Variants in ITGA6 observed in about 807,000 individuals in gnomAD.
ITGA6 encodes the protein integrin subunit alpha 6, also known as integrin alpha-6.
A neutral mutation model predicts 133.6 loss-of-function variants in ITGA6; 63 were observed. The ratio of observed to expected loss-of-function variants is 0.47; its 90% CI spans 0.38 to 0.58. The LOEUF is 0.58. Among genes scored for constraint, ITGA6 ranks in the 20% least tolerant of loss-of-function variants. The pLI, the probability that ITGA6 is intolerant of heterozygous loss-of-function variation, is 0.00. For missense variants in ITGA6, 1,068 were observed against 1,309.4 expected (o/e 0.82, Z 2.85); for synonymous variants, 434 against 482.0 (o/e 0.90, Z 1.30).
intron 1 of ITGA6, among the ~76,000 whole-genome samples, chr2:172,454,445 G>C (rs1685135495): frequency 6.6e-6 from 1 of 152,120 alleles, no homozygotes; most frequent in African/African-American, 2.4e-5. Flanking sequence ...GGTTGGAGGG[G>C]TGTGAAAGAA....
intron 1 of ITGA6, among the ~76,000 whole-genome samples, chr2:172,453,105 C>T (rs77845041): frequency 6.6e-5 from 10 of 152,088 alleles, no homozygotes; most frequent in South Asian, 6.2e-4. Flanking sequence ...AGTGAAAGGT[C>T]GTGTTCTCAA....
At chr2:172,428,103 AC>A in intron 1 of ITGA6, 133 bp downstream of exon 1, 1 of 833,066 alleles carries the variant, frequency 1.2e-6, no homozygotes, top group African/African-American at 1.8e-5. Flanking sequence ...GCCGAGGCGC[AC>A]CCAGCGCCCA....
chr2:172,478,677 G>C (rs931922845), intron 9 of ITGA6, among the ~76,000 whole-genome samples: 4 of 152,200 alleles, frequency 2.6e-5, no homozygotes, highest in Non-Finnish European at 4.4e-5. Flanking sequence ...AAGTGTTTGC[G>C]GGGTTGCAGT....
chr2:172,471,724 A>G (rs756821609), intron 5 of ITGA6, among the ~76,000 whole-genome samples: 3 of 152,156 alleles, frequency 2.0e-5, no homozygotes, highest in Admixed American at 6.5e-5. Flanking sequence ...TTAACTCCTA[A>G]GGCTTGTTTG....
At chr2:172,447,981 C>T (rs1574332839) in intron 1 of ITGA6, among the ~76,000 whole-genome samples, 1 of 152,204 alleles carries the variant, frequency 6.6e-6, no homozygotes, top group Non-Finnish European at 1.5e-5. Context: ...TAGTAAAGTC[C>T]AGACACTCAG....
intron 23 of ITGA6, among the ~76,000 whole-genome samples, chr2:172,493,620 A>G (rs997794375): frequency 5.9e-5 from 9 of 152,216 alleles, no homozygotes; most frequent in South Asian, 2.1e-4. Flanking sequence ...GAGACCCTCA[A>G]TTGAAACCTG....
At chr2:172,437,238 C>G (rs1684357921) in intron 1 of ITGA6, among the ~76,000 whole-genome samples, 1 of 152,346 alleles carries the variant, frequency 6.6e-6, no homozygotes, top group Admixed American at 6.5e-5. Context: ...ATGGATTTCT[C>G]TGGCCTGCAG....
At chr2:172,495,887 C>T (rs1286348422) in intron 23 of ITGA6, among the ~76,000 whole-genome samples, 2 of 147,332 alleles carry the variant, frequency 1.4e-5, no homozygotes, top group Non-Finnish European at 3.0e-5. Flanking sequence ...TTTAAAGACA[C>T]TTGTGCACAG....
intron 11 of ITGA6, among the ~76,000 whole-genome samples, chr2:172,481,789 G>A (rs1012093434): frequency 6.6e-6 from 1 of 152,164 alleles, no homozygotes; most frequent in Non-Finnish European, 1.5e-5. Flanking sequence ...ATTTTGTCGA[G>A]TGTAGAAAGC....
At chr2:172,456,566 G>A (rs565599571) in intron 1 of ITGA6, among the ~76,000 whole-genome samples, 4 of 152,284 alleles carry the variant, frequency 2.6e-5, no homozygotes, top group Admixed American at 2.0e-4. Context: ...TGGACATATG[G>A]CCAGCCTAGC....
intron 1 of ITGA6, among the ~76,000 whole-genome samples, chr2:172,459,596 G>C (rs533471917): frequency 6.6e-5 from 10 of 151,956 alleles, no homozygotes; most frequent in African/African-American, 2.4e-4. Flanking sequence ...GTGCCATCAA[G>C]GTTCTGAAGA....
chr2:172,458,032 T>G (rs1685284278), intron 1 of ITGA6, among the ~76,000 whole-genome samples: 1 of 151,946 alleles, frequency 6.6e-6, no homozygotes, highest in Non-Finnish European at 1.5e-5. Flanking sequence ...GGAGTGGGTC[T>G]GGAAGTGAAG....
At chr2:172,441,488 C>G (rs1684535299) in intron 1 of ITGA6, among the ~76,000 whole-genome samples, 1 of 136,132 alleles carries the variant, frequency 7.3e-6, no homozygotes, top group East Asian at 2.3e-4. Flanking sequence ...CCTAGGAACT[C>G]AAGGTGAGAG....
chr2:172,444,703 T>C (rs1684683822), intron 1 of ITGA6, among the ~76,000 whole-genome samples: 1 of 138,118 alleles, frequency 7.2e-6, no homozygotes, highest in African/African-American at 2.7e-5. Context: ...CCTGAGTTTC[T>C]TTCTCTACTT....
At chr2:172,502,311 A>C (rs1687383167) in intron 25 of ITGA6, among the ~76,000 whole-genome samples, 1 of 152,210 alleles carries the variant, frequency 6.6e-6, no homozygotes, top group Admixed American at 6.5e-5. Flanking sequence ...GGAATTTTCC[A>C]CAGATAGAAG....
At chr2:172,489,932 C>T in intron 20 of ITGA6, 1 of 393,190 alleles carries the variant, frequency 2.5e-6, no homozygotes, top group South Asian at 2.5e-5. Context: ...CAGTATGTTA[C>T]ATAATAAGGA....
Position 172,487,067 on chromosome 2 carries a change from C to G in ITGA6, c.1899C>G (p.Asn633Lys). The change falls in exon 14 of 26, where the codon AAC becomes AAG. Residue 633 changes from asparagine to lysine, a missense_variant. Asn to Lys is a moderately conservative substitution (Grantham distance 94). Coordinates refer to ENST00000684293, the MANE Select transcript of ITGA6 (RefSeq NM_000210.4). ...GATGTGGAGACGACAATGTATGTAACAGCAACCTTAAACTAGAATATAAAT... is the reference window on the plus strand; with the variant it reads ...GATGTGGAGACGACAATGTATGTAAGAGCAACCTTAAACTAGAATATAAAT... Reference protein sequence around the residue: ...KEGCGDDNVCNSNLKLEYKFC... With the variant: ...KEGCGDDNVCKSNLKLEYKFC... 2 of 1,613,034 alleles carry G rather than the reference C, an allele frequency of 1.2e-6. No homozygotes were observed. Among genetic ancestry groups the G allele is most frequent in the Non-Finnish European group, 1.7e-6 (2 of 1,179,054 alleles).
At chr2:172,484,165 T>C (rs989576632) in intron 11 of ITGA6, among the ~76,000 whole-genome samples, 7 of 152,240 alleles carry the variant, frequency 4.6e-5, no homozygotes, top group Non-Finnish European at 8.8e-5. Flanking sequence ...GACTTCTCCA[T>C]CTCTAAAATA....
chr2:172,504,322 T>C lies in ITGA6; in HGVS notation c.*254T>C. ...TTCCAACTCAGAAATTCAATTTGGA[T>C]TTAAAAGCCTGCTCAATCCCTGAGG... On this transcript the variant is annotated 3_prime_UTR_variant, in exon 26 of 26. Transcript: ENST00000684293. 8.3e-7 allele frequency: 1 copy of C among 1,198,408 alleles called. No individual in the cohort carries two copies. The highest frequency in any genetic ancestry group is 1.2e-6 in the Non-Finnish European group (1 of 859,650). 74.2% of individuals were successfully genotyped at this position (1,198,408 alleles called of 1,614,324 possible). A position where few individuals can be genotyped will look rare whatever the true frequency, so the allele number is the denominator to read the frequency against.
Sources: gnomAD v4.1 joint callset for allele counts (sites outside exome capture counted in the v4.1 genomes callset) on GRCh38, gnomAD v4.1.1 for gene constraint, MANE v1.5 for transcripts, NCBI Gene and HGNC (gene_info 2026-07-23, HGNC 2026-07-21) for gene names.